Variants in PEX7 observed in about 807,000 individuals in gnomAD.
The protein encoded by PEX7 is peroxisomal biogenesis factor 7.
PEX7 carries 34 observed loss-of-function variants against 47.5 expected under a neutral mutation model. The ratio of observed to expected loss-of-function variants is 0.72; its 90% confidence interval spans 0.54 to 0.95. The LOEUF is 0.95. Ranked by LOEUF, PEX7 falls within the 40% of genes least tolerant of loss-of-function variation. The pLI, the probability that PEX7 is intolerant of heterozygous loss-of-function variation, is 0.00. For synonymous variants in PEX7, 141 were observed against 148.8 expected, an observed-to-expected ratio of 0.95 and a Z score of 0.38; for missense variants, 394 against 400.3, an observed-to-expected ratio of 0.98 and a Z score of 0.13.
At chr6:136,854,785 C>A (rs1310436299) in intron 5 of PEX7, among the ~76,000 whole-genome samples, 1 of 152,060 alleles carries the variant, frequency 6.6e-6, no homozygotes, top group Non-Finnish European at 1.5e-5. Flanking sequence ...TAGAATAGAT[C>A]CACCTCAAAA....
intron 8 of PEX7, among the ~76,000 whole-genome samples, chr6:136,891,744 G>A (rs202018309): frequency 6.6e-6 from 1 of 151,260 alleles, no homozygotes; most frequent in African/African-American, 2.4e-5. Context: ...GGGCTCAAGC[G>A]ATCCTCCTGC....
chr6:136,882,548 A>AAATAATAAT (rs35368484), intron 8 of PEX7, among the ~76,000 whole-genome samples: 7 of 150,332 alleles, frequency 4.7e-5, no homozygotes, highest in South Asian at 2.1e-4. Flanking sequence ...CTTACCTTTA[A>AAATAATAAT]AATAATAATA....
chr6:136,828,561 T>C (rs1774238394), intron 3 of PEX7, among the ~76,000 whole-genome samples: 2 of 152,340 alleles, frequency 1.3e-5, no homozygotes, highest in South Asian at 4.1e-4. Context: ...AAAATAGCCA[T>C]CGTGCTCTCT....
Position 136,825,062 on chromosome 6 carries a change from T to TGATC in PEX7, c.131-151_131-148dup, listed in dbSNP as rs1482944883. On this transcript the variant is annotated intron_variant, in intron 1 of 9. Coordinates refer to ENST00000318471, the MANE Select transcript of PEX7 (RefSeq NM_000288.4). ...TGTCCCAAAAACTTTAGGGAGAAAT[T>TGATC]GATCACCTGACCATTTGGTATTCAA... The TGATC allele has an allele frequency of 2.3e-4, 157 of 687,746 alleles. No individual in the cohort carries two copies. In the South Asian group the frequency reaches 2.4e-3, roughly 10 times the overall value. 42.6% of individuals were successfully genotyped at this position (687,746 alleles called of 1,614,324 possible). A position where few individuals can be genotyped will look rare whatever the true frequency, so the allele number is the denominator to read the frequency against.
intron 8 of PEX7, among the ~76,000 whole-genome samples, chr6:136,883,239 T>C (rs1314914094): frequency 6.6e-6 from 1 of 152,164 alleles, no homozygotes; most frequent in African/African-American, 2.4e-5. Context: ...TTATTTTAAG[T>C]TTAATTTAAA....
At chr6:136,845,542 A>G in intron 3 of PEX7, 73 bp from the exon 4 acceptor site, 1 of 847,688 alleles carries the variant, frequency 1.2e-6, no homozygotes, top group Non-Finnish European at 2.1e-6. Context: ...TCTCATTGTT[A>G]TGTAACAAGA....
At position 136,898,090 on chromosome 6, in the gene PEX7, G is replaced by C; in HGVS notation, c.804-52G>C. On this transcript the variant is annotated intron_variant, in intron 8 of 9. Transcript: ENST00000318471. ...AAATATCTATTTTTTCTTAATATAA[G>C]TTTTTTGGTAGTTTTAGCATTTAAA... is the stretch of plus-strand genomic sequence containing the variant. 10 of 1,079,642 alleles carry C rather than the reference G, an allele frequency of 9.3e-6. 1 individual carries two copies. The South Asian group carries it at 1.3e-4, about 14-fold the overall frequency. 66.9% of individuals were successfully genotyped at this position (1,079,642 alleles called of 1,614,324 possible).
chr6:136,855,486 C>T (rs1774844574), intron 5 of PEX7, among the ~76,000 whole-genome samples: 1 of 152,040 alleles, frequency 6.6e-6, no homozygotes, highest in Middle Eastern at 3.4e-3. Context: ...ATTACAGGCA[C>T]GTGCCACTAT....
chr6:136,903,454 G>A (rs1775788913), intron 9 of PEX7, among the ~76,000 whole-genome samples: 1 of 151,194 alleles, frequency 6.6e-6, no homozygotes, highest in African/African-American at 2.4e-5. Flanking sequence ...GGCATTATAG[G>A]CATGAGCTAC....
At chr6:136,894,906 T>C (rs1775622899) in intron 8 of PEX7, among the ~76,000 whole-genome samples, 1 of 152,184 alleles carries the variant, frequency 6.6e-6, no homozygotes, top group African/African-American at 2.4e-5. Flanking sequence ...ATAATGTGCC[T>C]TATTTGACCA....
chr6:136,824,844 T>A (rs893263168), intron 1 of PEX7, among the ~76,000 whole-genome samples: 2 of 152,202 alleles, frequency 1.3e-5, no homozygotes, highest in African/African-American at 4.8e-5. Context: ...CATCTGTCAG[T>A]AGGAATGATA....
chr6:136,848,409 C>T (rs1490479160), intron 5 of PEX7, among the ~76,000 whole-genome samples: 2 of 152,188 alleles, frequency 1.3e-5, no homozygotes, highest in Admixed American at 6.5e-5. Context: ...GAGGGCATCC[C>T]TATCTTGTGC....
At chr6:136,885,303 ATAT>A (rs1316526094) in intron 8 of PEX7, among the ~76,000 whole-genome samples, 1 of 152,200 alleles carries the variant, frequency 6.6e-6, no homozygotes, top group African/African-American at 2.4e-5. Context: ...ACTTTTATAA[ATAT>A]TATAACCTTT....
chr6:136,886,206 G>T (rs2115254122), intron 8 of PEX7, among the ~76,000 whole-genome samples: 1 of 152,206 alleles, frequency 6.6e-6, no homozygotes, highest in South Asian at 2.1e-4. Flanking sequence ...TACGAATTGG[G>T]GATAGGAAGT....
rs565766998 is a variant in PEX7 at position 136,857,405 on chromosome 6, G to T, written c.527-9222G>T. 2.0e-5 allele frequency among the ~76,000 whole-genome samples: 3 copies of T among 152,326 alleles called. 1 individual carries two copies. Among genetic ancestry groups the T allele is most frequent in the Admixed American group, 1.3e-4 (2 of 15,304 alleles). ...TTGATTGTTGAGAAGGACGCTGCTA[G>T]TGAGTCAGTCAGATATTTATTGAAT... On this transcript the variant is annotated intron_variant, in intron 5 of 9. Transcript: ENST00000318471.
chr6:136,864,471 A>G (rs1161278089), intron 5 of PEX7, among the ~76,000 whole-genome samples: 1 of 152,210 alleles, frequency 6.6e-6, no homozygotes, highest in Non-Finnish European at 1.5e-5. Context: ...ATTAAGCATC[A>G]GTGGCCACCA....
intron 5 of PEX7, among the ~76,000 whole-genome samples, chr6:136,849,468 C>T (rs150473984): frequency 0.042 from 6,362 of 152,206 alleles, 148 homozygotes; most frequent in African/African-American, 0.073. Context: ...TAGATCTTTC[C>T]TTCTTTCTCT....
At chr6:136,861,981 C>T (rs1389593904) in intron 5 of PEX7, among the ~76,000 whole-genome samples, 1 of 140,910 alleles carries the variant, frequency 7.1e-6, no homozygotes, top group Non-Finnish European at 1.6e-5. Flanking sequence ...CATGAGAGAT[C>T]ATTTCATCAA....
At chr6:136,882,548 A>AAATAATAATAAT in intron 8 of PEX7, among the ~76,000 whole-genome samples, 1 of 150,332 alleles carries the variant, frequency 6.7e-6, no homozygotes, top group South Asian at 2.1e-4. Context: ...CTTACCTTTA[A>AAATAATAATAAT]AATAATAATA....
Sources: gnomAD v4.1 joint callset for allele counts (sites outside exome capture counted in the v4.1 genomes callset) on GRCh38, gnomAD v4.1.1 for gene constraint, MANE v1.5 for transcripts, NCBI Gene and HGNC (gene_info 2026-07-23, HGNC 2026-07-21) for gene names.